ATF3: variants seen among roughly 807,000 people sequenced by gnomAD.
The protein encoded by ATF3 is cyclic AMP-dependent transcription factor ATF-3.
Under a neutral mutation model 18.4 loss-of-function variants are expected in ATF3, and 10 were observed. The observed-to-expected ratio is 0.54, with a 90% CI of 0.34 to 0.92. ATF3 has a LOEUF of 0.92. ATF3 is among the 40% of genes least tolerant of loss of function. The probability of loss-of-function intolerance (pLI) is 0.02; values close to 1 mark genes in which losing one functional copy is unlikely to be tolerated. For missense variants in ATF3, 183 were observed against 222.3 expected, an observed-to-expected ratio of 0.82 and a Z score of 1.12; for synonymous variants, 78 against 87.9, an observed-to-expected ratio of 0.89 and a Z score of 0.63.
intron 1 of ATF3, among the ~76,000 whole-genome samples, chr1:212,610,981 T>C (rs1472361236): frequency 6.6e-6 from 1 of 152,200 alleles, no homozygotes; most frequent in Non-Finnish European, 1.5e-5. Flanking sequence ...ATGATTCTAA[T>C]ATTGAGAGGG....
At chr1:212,614,329 A>G (rs980559730) in intron 1 of ATF3, among the ~76,000 whole-genome samples, 2 of 152,056 alleles carry the variant, frequency 1.3e-5, no homozygotes, top group East Asian at 3.9e-4. Context: ...TGCTTTGCCA[A>G]CCTTAACCTT....
chr1:212,617,635 T>C (rs1289303790), intron 2 of ATF3, among the ~76,000 whole-genome samples: 2 of 152,180 alleles, frequency 1.3e-5, no homozygotes, highest in Non-Finnish European at 2.9e-5. Context: ...GCTGGTGCTC[T>C]GATGCTCCAG....
At chr1:212,610,831 G>T (rs981233917) in intron 1 of ATF3, among the ~76,000 whole-genome samples, 2 of 152,152 alleles carry the variant, frequency 1.3e-5, no homozygotes, top group Non-Finnish European at 2.9e-5. Flanking sequence ...ATACCTATTG[G>T]TGATGGAGCA....
intron 1 of ATF3, chr1:212,613,986 G>T (rs1361976611): frequency 6.6e-6 from 1 of 152,192 alleles, no homozygotes; most frequent in Non-Finnish European, 1.5e-5. Context: ...AATGAGAAAG[G>T]TAACCTTGGA....
chr1:212,592,635 T>C (rs1009185743), intron 1 of ATF3, among the ~76,000 whole-genome samples: 4 of 152,092 alleles, frequency 2.6e-5, no homozygotes, highest in Non-Finnish European at 4.4e-5. Flanking sequence ...CTCAGCATTG[T>C]TTAACCATTT....
chr1:212,585,085 G>C (rs1227572970), intron 1 of ATF3, among the ~76,000 whole-genome samples: 1 of 152,196 alleles, frequency 6.6e-6, no homozygotes, highest in Admixed American at 6.5e-5. Flanking sequence ...TCTGAGTGTC[G>C]GAGGGGTGGG....
rs565572983 is a variant in ATF3 at position 212,575,828 on chromosome 1, G to A, written c.-5+10345G>A. Among the ~76,000 whole-genome samples, 8 of 152,158 alleles carry A rather than the reference G, an allele frequency of 5.3e-5. 1 individual carries two copies. In the South Asian group the frequency reaches 1.7e-3, roughly 31 times the overall value. On this transcript the variant is annotated intron_variant, in intron 1 of 3. Coordinates refer to the ATF3 transcript ENST00000366981. ...TCTTTTTAATTTGTTAATTTAATAA[G>A]TTTTCAAATCTTGAATTATTCTTTC...
At chr1:212,584,484 G>GA (rs1272345760) in intron 1 of ATF3, among the ~76,000 whole-genome samples, 2 of 152,136 alleles carry the variant, frequency 1.3e-5, no homozygotes, top group African/African-American at 2.4e-5. Flanking sequence ...CCAAAGGCAG[G>GA]AAAAAACTGA....
At chr1:212,596,374 G>A (rs1190479099) in intron 1 of ATF3, among the ~76,000 whole-genome samples, 4 of 152,192 alleles carry the variant, frequency 2.6e-5, no homozygotes, top group Non-Finnish European at 5.9e-5. Context: ...ATGTTTCTAA[G>A]AACATGTTTT....
At chr1:212,571,790 C>T (rs1043758537) in intron 1 of ATF3, among the ~76,000 whole-genome samples, 2 of 149,930 alleles carry the variant, frequency 1.3e-5, no homozygotes, top group Non-Finnish European at 3.0e-5. Context: ...CGGCCCACTG[C>T]AAGCTCCGCC....
chr1:212,603,200 G>A (rs1000271601), intron 1 of ATF3, among the ~76,000 whole-genome samples: 2 of 152,178 alleles, frequency 1.3e-5, no homozygotes, highest in South Asian at 2.1e-4. Flanking sequence ...AGAGCTGCCC[G>A]AGCTACACTG....
chr1:212,577,143 G>T (rs2102624278), intron 1 of ATF3, among the ~76,000 whole-genome samples: 1 of 152,100 alleles, frequency 6.6e-6, no homozygotes, highest in Non-Finnish European at 1.5e-5. Flanking sequence ...ATTTGAGACT[G>T]GTATTTATTT....
intron 1 of ATF3, among the ~76,000 whole-genome samples, chr1:212,601,102 C>T (rs1353312727): frequency 6.6e-6 from 1 of 152,176 alleles, no homozygotes; most frequent in Non-Finnish European, 1.5e-5. Flanking sequence ...TGGAGTGACT[C>T]ACTTTGCCCT....
chr1:212,567,163 CTT>C (rs34161020), intron 1 of ATF3, among the ~76,000 whole-genome samples: 5 of 148,124 alleles, frequency 3.4e-5, no homozygotes, highest in Non-Finnish European at 1.5e-5. Context: ...TCTCTTTTTT[CTT>C]TTTTTTTTTG....
At chr1:212,576,582 T>C (rs564098527) in intron 1 of ATF3, among the ~76,000 whole-genome samples, 3 of 152,032 alleles carry the variant, frequency 2.0e-5, no homozygotes, top group African/African-American at 7.2e-5. Flanking sequence ...AGTAGAACTC[T>C]ACTTGTCCTT....
intron 2 of ATF3, among the ~76,000 whole-genome samples, chr1:212,617,265 G>C (rs903353864): frequency 2.0e-5 from 3 of 152,194 alleles, no homozygotes; most frequent in Admixed American, 6.5e-5. Flanking sequence ...ACTTCTGTCT[G>C]ACACACTTGC....
rs370623262 is a variant in ATF3 at position 212,614,982 on chromosome 1, C to T, written c.-4-36C>T. On this transcript the variant is annotated intron_variant, in intron 1 of 3. Coordinates refer to ENST00000341491, the MANE Select transcript of ATF3 (RefSeq NM_001674.4). Reference sequence around the variant, plus strand: ...GGGGACTTGATCCCATGCCCCAGAGCCCCTGAAACAGTTTGGGTTTCAATG... The same window carrying T: ...GGGGACTTGATCCCATGCCCCAGAGTCCCTGAAACAGTTTGGGTTTCAATG... 9.3e-6 allele frequency: 15 copies of T among 1,613,926 alleles called. No homozygotes were observed. In the African/African-American group the frequency reaches 1.5e-4, roughly 16 times the overall value.
chr1:212,600,633 GCTCAAC>G (rs1654454928), intron 1 of ATF3, among the ~76,000 whole-genome samples: 1 of 152,204 alleles, frequency 6.6e-6, no homozygotes, highest in Non-Finnish European at 1.5e-5. Flanking sequence ...AAAACGGTCG[GCTCAAC>G]ATCCAGCTCG....
chr1:212,572,478 C>A (rs925545208), intron 1 of ATF3, among the ~76,000 whole-genome samples: 3 of 152,188 alleles, frequency 2.0e-5, no homozygotes, highest in Non-Finnish European at 4.4e-5. Context: ...GAGATTGCAC[C>A]ATTGAGCTAC....
Sources: gnomAD v4.1 joint callset for allele counts (sites outside exome capture counted in the v4.1 genomes callset) on GRCh38, gnomAD v4.1.1 for gene constraint, MANE v1.5 for transcripts, NCBI Gene and HGNC (gene_info 2026-07-23, HGNC 2026-07-21) for gene names.